FANK1: variants seen among roughly 807,000 people sequenced by gnomAD.
The protein encoded by FANK1 is fibronectin type 3 and ankyrin repeat domains protein 1.
FANK1 carries 44 observed loss-of-function variants against 45.3 expected under a neutral mutation model. That is an observed-to-expected ratio of 0.97 (90% CI 0.76 to 1.25). The LOEUF (loss-of-function observed/expected upper bound fraction) is 1.25. FANK1 is among the 50% of genes most tolerant of loss of function. FANK1 has a pLI of 0.00. For missense variants in FANK1, 391 were observed against 424.4 expected, an observed-to-expected ratio of 0.92 and a Z score of 0.69; for synonymous variants, 149 against 152.5, an observed-to-expected ratio of 0.98 and a Z score of 0.17.
At chr10:125,936,931 G>T (rs1368448559) in intron 1 of FANK1, among the ~76,000 whole-genome samples, 1 of 152,028 alleles carries the variant, frequency 6.6e-6, no homozygotes, top group African/African-American at 2.4e-5. Context: ...GCCAGGCGTG[G>T]TGGTGCATGC....
intron 2 of FANK1, among the ~76,000 whole-genome samples, chr10:125,987,038 A>C (rs3812683): frequency 0.4 from 60,059 of 151,974 alleles, 12,046 homozygotes; most frequent in South Asian, 0.46. Flanking sequence ...CCAGATCTGA[A>C]GTCAGGTTTT....
chr10:125,996,301 A>G (rs1564960909), intron 4 of FANK1, among the ~76,000 whole-genome samples: 1 of 152,262 alleles, frequency 6.6e-6, no homozygotes, highest in Non-Finnish European at 1.5e-5. Flanking sequence ...GAGCCGAAGC[A>G]TGTATATTTT....
chr10:125,956,125 C>T (rs1949555289), intron 1 of FANK1, among the ~76,000 whole-genome samples: 1 of 137,910 alleles, frequency 7.3e-6, no homozygotes, highest in Non-Finnish European at 1.5e-5. Flanking sequence ...GAAAGGCGTT[C>T]TGCCTAGCAA....
At chr10:126,006,482 A>G (rs1051837165) in intron 7 of FANK1, among the ~76,000 whole-genome samples, 2 of 152,140 alleles carry the variant, frequency 1.3e-5, no homozygotes, top group African/African-American at 4.8e-5. Context: ...ACACTCCTTG[A>G]TTGGTTTATG....
intron 1 of FANK1, among the ~76,000 whole-genome samples, chr10:125,915,140 G>T (rs924500494): frequency 1.7e-4 from 26 of 152,166 alleles, no homozygotes; most frequent in African/African-American, 6.3e-4. Context: ...CAAAAATACT[G>T]CAGGGGACTG....
chr10:125,946,075 CAGAA>C (rs1339209289), intron 1 of FANK1, among the ~76,000 whole-genome samples: 7 of 152,262 alleles, frequency 4.6e-5, no homozygotes, highest in South Asian at 4.1e-4. Context: ...AACTAACAAA[CAGAA>C]AGGACATCCA....
chr10:125,966,712 G>A (rs1005937332), intron 1 of FANK1, among the ~76,000 whole-genome samples: 1 of 152,070 alleles, frequency 6.6e-6, no homozygotes, highest in African/African-American at 2.4e-5. Context: ...ACTTATTCTT[G>A]GTTTATTTTT....
chr10:125,911,222 A>G (rs201626932), intron 1 of FANK1, among the ~76,000 whole-genome samples: 36 of 151,792 alleles, frequency 2.4e-4, no homozygotes, highest in African/African-American at 6.8e-4. Flanking sequence ...AGACTCAGGC[A>G]ATACGAAGAT....
At chr10:126,005,400 C>A (rs192500948) in intron 7 of FANK1, among the ~76,000 whole-genome samples, 1 of 151,558 alleles carries the variant, frequency 6.6e-6, no homozygotes, top group Admixed American at 6.6e-5. Context: ...CTCCGCCTCC[C>A]AGGTTCAAGC....
intron 1 of FANK1, among the ~76,000 whole-genome samples, chr10:125,940,585 A>G (rs527789205): frequency 3.3e-5 from 5 of 152,020 alleles, no homozygotes; most frequent in Non-Finnish European, 5.9e-5. Flanking sequence ...CACGCAGGAG[A>G]CAGAGGCCTT....
chr10:126,003,848 A>T (rs1031207867), intron 6 of FANK1, among the ~76,000 whole-genome samples: 1 of 151,694 alleles, frequency 6.6e-6, no homozygotes, highest in South Asian at 2.1e-4. Flanking sequence ...GCTAATTTTT[A>T]TATTTTTAGT....
At chr10:125,923,014 T>G (rs1401693166) in intron 1 of FANK1, among the ~76,000 whole-genome samples, 1 of 152,042 alleles carries the variant, frequency 6.6e-6, no homozygotes, top group South Asian at 2.1e-4. Flanking sequence ...TTGGTTTCTC[T>G]TTTTCTTGTA....
intron 1 of FANK1, among the ~76,000 whole-genome samples, chr10:125,947,718 CAACAA>C (rs1236924063): frequency 1.4e-5 from 2 of 145,126 alleles, no homozygotes; most frequent in Non-Finnish European, 3.1e-5. Context: ...GACAGAAAGT[CAACAA>C]GGATACCCAG....
At chr10:125,993,988 C>A (rs1952123627) in intron 3 of FANK1, among the ~76,000 whole-genome samples, 1 of 152,224 alleles carries the variant, frequency 6.6e-6, no homozygotes, top group African/African-American at 2.4e-5. Context: ...CTTGGCACCA[C>A]TGAAACCCTC....
At chr10:125,974,075 ATCACAAAACAC>A (rs1950696329) in intron 1 of FANK1, among the ~76,000 whole-genome samples, 1 of 152,348 alleles carries the variant, frequency 6.6e-6, no homozygotes, top group South Asian at 2.1e-4. Context: ...TAACTTAATT[ATCACAAAACAC>A]TTTGTGGTAT....
chr10:125,984,058 G>A lies in FANK1; in HGVS notation c.191+3720G>A, dbSNP rs189322293. On this transcript the variant is annotated intron_variant, in intron 2 of 10. Transcript: ENST00000368693. ...GGACCGAATATGGGATGTGAGATAC[G>A]GGATGTGAGAGAGAGGATGGTCAAG... 4.5e-3 allele frequency among the ~76,000 whole-genome samples: 691 copies of A among 152,270 alleles called. 1 individual carries two copies. Among genetic ancestry groups the A allele is most frequent in the Non-Finnish European group, 6.9e-3 (467 of 68,026 alleles).
intron 1 of FANK1, among the ~76,000 whole-genome samples, chr10:125,904,801 G>T (rs1230759385): frequency 1.3e-5 from 2 of 152,092 alleles, no homozygotes; most frequent in Non-Finnish European, 2.9e-5. Flanking sequence ...CAAAAAATGA[G>T]CATGGCTCTG....
chr10:125,966,931 AT>A (rs1950227921), intron 1 of FANK1, among the ~76,000 whole-genome samples: 1 of 152,140 alleles, frequency 6.6e-6, no homozygotes, highest in African/African-American at 2.4e-5. Flanking sequence ...GTTTTTCTAA[AT>A]TCTTTCAGTT....
At chr10:126,006,370 T>C (rs910088773) in intron 7 of FANK1, among the ~76,000 whole-genome samples, 1 of 152,194 alleles carries the variant, frequency 6.6e-6, no homozygotes. Context: ...ACATTTCTTA[T>C]TTTCCTTATG....
Sources: gnomAD v4.1 joint callset for allele counts (sites outside exome capture counted in the v4.1 genomes callset) on GRCh38, gnomAD v4.1.1 for gene constraint, MANE v1.5 for transcripts, NCBI Gene and HGNC (gene_info 2026-07-23, HGNC 2026-07-21) for gene names.